HEATR5B: variants seen among roughly 807,000 people sequenced by gnomAD.
The protein encoded by HEATR5B is HEAT repeat containing 5B.
Under a neutral mutation model 224.1 loss-of-function variants are expected in HEATR5B, and 156 were observed. That is an observed-to-expected ratio of 0.70 (90% confidence interval 0.61 to 0.80). The LOEUF (loss-of-function observed/expected upper bound fraction) is 0.80, where lower values mean the gene tolerates loss of function less well. Among genes scored for constraint, HEATR5B ranks in the 30% least tolerant of loss-of-function variants. The pLI, the probability that HEATR5B is intolerant of heterozygous loss-of-function variation, is 0.00. For synonymous variants in HEATR5B, 1,027 were observed against 893.0 expected, an observed-to-expected ratio of 1.15 and a Z score of -2.68; for missense variants, 2,323 against 2,535.5, an observed-to-expected ratio of 0.92 and a Z score of 1.80.
chr2:36,995,703 T>C (rs1666655014), intron 33 of HEATR5B, among the ~76,000 whole-genome samples: 2 of 152,224 alleles, frequency 1.3e-5, no homozygotes, highest in Admixed American at 1.3e-4. Flanking sequence ...ATTTATATAG[T>C]TGGTTATAAA....
At chr2:37,032,967 G>A (rs527483862) in intron 21 of HEATR5B, among the ~76,000 whole-genome samples, 194 bp from the exon 22 acceptor site, 10 of 151,016 alleles carry the variant, frequency 6.6e-5, no homozygotes, top group East Asian at 1.9e-4. Flanking sequence ...TGCAACCTCC[G>A]CCTTCTGGTT....
intron 24 of HEATR5B, among the ~76,000 whole-genome samples, chr2:37,022,523 G>A (rs1572827481): frequency 6.6e-6 from 1 of 152,126 alleles, no homozygotes; most frequent in African/African-American, 2.4e-5. Context: ...CACTGTTAAG[G>A]TGCAAAAGCA....
intron 26 of HEATR5B, among the ~76,000 whole-genome samples, chr2:37,014,752 G>A (rs546703658): frequency 6.6e-6 from 1 of 151,210 alleles, no homozygotes; most frequent in East Asian, 2.0e-4. Flanking sequence ...GCCAAGGCAG[G>A]CGGATCACGA....
intron 8 of HEATR5B, among the ~76,000 whole-genome samples, chr2:37,067,408 T>C (rs563983606): frequency 6.0e-4 from 92 of 152,358 alleles, no homozygotes; most frequent in Non-Finnish European, 1.0e-3. Context: ...ATTTAAGGAA[T>C]GATATCTCAT....
chr2:37,017,563 G>C (rs906393021), intron 26 of HEATR5B, among the ~76,000 whole-genome samples: 1 of 151,424 alleles, frequency 6.6e-6, no homozygotes, highest in Non-Finnish European at 1.5e-5. Flanking sequence ...ACGTACACCT[G>C]TAATCCCAGC....
intron 18 of HEATR5B, among the ~76,000 whole-genome samples, chr2:37,042,946 C>G (rs1040685795): frequency 2.7e-5 from 4 of 150,816 alleles, no homozygotes; most frequent in African/African-American, 9.7e-5. Context: ...AAGCCCAAAG[C>G]TGAAGACCAC....
chr2:37,008,840 C>A lies in HEATR5B; in HGVS notation c.4293G>T (p.Val1431=). ...AVLKAWAEVY[V]VAMNIKKEAE... Reference sequence around the variant, plus strand: ...CTTCCTTTTTAATATTCATAGCGACCACATATACCTAATATGATATTTATG... The same window carrying A: ...CTTCCTTTTTAATATTCATAGCGACAACATATACCTAATATGATATTTATG... Residue 1431 remains valine, a synonymous_variant, in exon 28 of 36, where the codon GTG becomes GTT. Transcript: ENST00000233099. 1.3e-6 allele frequency: 2 copies of A among 1,586,984 alleles called. No individual in the cohort carries two copies. Among genetic ancestry groups the A allele is most frequent in the Non-Finnish European group, 1.7e-6 (2 of 1,155,990 alleles).
At chr2:37,014,311 G>A (rs1322371907) in intron 26 of HEATR5B, among the ~76,000 whole-genome samples, 1 of 151,868 alleles carries the variant, frequency 6.6e-6, no homozygotes, top group African/African-American at 2.4e-5. Flanking sequence ...ACAGGCGCGT[G>A]CCACCACACT....
chr2:37,002,028 C>T (rs926966811), intron 32 of HEATR5B, among the ~76,000 whole-genome samples: 3 of 152,142 alleles, frequency 2.0e-5, no homozygotes, highest in African/African-American at 7.2e-5. Context: ...TTAGTTATTC[C>T]ACTTTATGTC....
At chr2:37,080,869 G>A (rs1313091396) in intron 2 of HEATR5B, among the ~76,000 whole-genome samples, 5 of 152,028 alleles carry the variant, frequency 3.3e-5, no homozygotes, top group Non-Finnish European at 5.9e-5. Flanking sequence ...ACCTAACAGC[G>A]TCTTGGGAAG....
At chr2:36,999,243 C>T (rs368377010) in intron 33 of HEATR5B, among the ~76,000 whole-genome samples, 4 of 151,722 alleles carry the variant, frequency 2.6e-5, no homozygotes, top group South Asian at 2.1e-4. Flanking sequence ...CAAAAACACC[C>T]GAAAAAACAT....
intron 7 of HEATR5B, among the ~76,000 whole-genome samples, chr2:37,069,701 T>C (rs1396640860): frequency 6.6e-6 from 1 of 152,206 alleles, no homozygotes; most frequent in Non-Finnish European, 1.5e-5. Context: ...TACACAAATA[T>C]GGTAGACACA....
intron 15 of HEATR5B, 50 bp from the exon 16 acceptor site, chr2:37,056,665 A>G: frequency 6.9e-7 from 1 of 1,459,506 alleles, no homozygotes; most frequent in Non-Finnish European, 9.3e-7. Context: ...TAGGAAATCT[A>G]CTTATTAAAC....
At chr2:37,070,539 G>T in intron 6 of HEATR5B, 152 bp from the exon 7 acceptor site, 2 of 636,752 alleles carry the variant, frequency 3.1e-6, no homozygotes, top group Non-Finnish European at 5.1e-6. Context: ...CAATGTACTT[G>T]TAAGCCTGAA....
chr2:37,049,564 C>A (rs1365769702), intron 18 of HEATR5B, 89 bp downstream of exon 18: 2 of 1,131,498 alleles, frequency 1.8e-6, no homozygotes, highest in Non-Finnish European at 2.6e-6. Context: ...ATGCTGTATA[C>A]CATGTGGAAA....
chr2:37,011,352 C>G (rs1008306419), intron 27 of HEATR5B, among the ~76,000 whole-genome samples: 2 of 152,196 alleles, frequency 1.3e-5, no homozygotes, highest in African/African-American at 4.8e-5. Context: ...AGACGGAGCA[C>G]AGGTTATAAG....
At chr2:37,026,644 T>C (rs1324417333) in intron 24 of HEATR5B, among the ~76,000 whole-genome samples, 1 of 152,234 alleles carries the variant, frequency 6.6e-6, no homozygotes, top group Admixed American at 6.5e-5. Context: ...ACTATGTTTT[T>C]TTCTTCTATG....
chr2:37,060,538 G>C lies in HEATR5B; in HGVS notation c.1849+43C>G, dbSNP rs770632392. On this transcript the variant is annotated intron_variant, in intron 12 of 35. Transcript: ENST00000233099. Reference sequence around the variant, plus strand: ...TTTCTTTTACTTTACAAATATTTTAGTTATGTCATAATATTGTGAAGCACA... The same window carrying C: ...TTTCTTTTACTTTACAAATATTTTACTTATGTCATAATATTGTGAAGCACA... The C allele has an allele frequency of 1.9e-5, 27 of 1,451,656 alleles. No homozygotes were observed. The South Asian group carries it at 4.0e-4, about 22-fold the overall frequency. The allele number at this position is 1,451,656 out of a possible 1,614,324, so 89.9% of individuals were successfully genotyped here.
chr2:37,052,751 G>C (rs775930545), intron 17 of HEATR5B, among the ~76,000 whole-genome samples: 4 of 152,164 alleles, frequency 2.6e-5, no homozygotes, highest in Admixed American at 1.3e-4. Flanking sequence ...TGAGACAGAT[G>C]GTGACCAAGT....
Sources: allele counts gnomAD v4.1 joint callset (sites outside exome capture counted in the v4.1 genomes callset), GRCh38; gene constraint gnomAD v4.1.1; transcripts MANE v1.5; gene names NCBI Gene and HGNC (gene_info 2026-07-23, HGNC 2026-07-21).